The following AKT3 variants were observed in gnomAD, a reference collection of about 807,000 sequenced individuals.
AKT3 encodes AKT serine/threonine kinase 3.
In AKT3, 15 loss-of-function variants were observed where a neutral mutation model predicts 65.3. The ratio of observed to expected loss-of-function variants is 0.23; its 90% CI spans 0.15 to 0.35. The LOEUF (loss-of-function observed/expected upper bound fraction) is 0.35, where lower values mean the gene tolerates loss of function less well. AKT3 is among the 10% of genes least tolerant of loss of function. AKT3 has a pLI of 1.00. For synonymous variants in AKT3, 206 were observed against 183.8 expected (o/e 1.12, Z -0.98); for missense variants, 243 against 576.5 (o/e 0.42, Z 5.92).
intron 2 of AKT3, among the ~76,000 whole-genome samples, chr1:243,792,426 T>C (rs1334739519): frequency 1.3e-5 from 2 of 152,174 alleles, no homozygotes; most frequent in African/African-American, 4.8e-5. Context: ...CAAGATATTA[T>C]GGAATTATAC....
chr1:243,596,375 C>A (rs1428426860), intron 8 of AKT3, among the ~76,000 whole-genome samples: 4 of 152,098 alleles, frequency 2.6e-5, no homozygotes, highest in Non-Finnish European at 4.4e-5. Context: ...ACCAGAACAT[C>A]CAAAGAACTC....
intron 11 of AKT3, among the ~76,000 whole-genome samples, chr1:243,549,531 C>T (rs760097159): frequency 2.6e-5 from 4 of 152,080 alleles, no homozygotes; most frequent in African/African-American, 9.7e-5. Context: ...TGGGCTCCAG[C>T]GATTCTCCCA....
In AKT3 at chr1:243,583,986, C is replaced by T. The variant is rs147137567; in HGVS notation, c.697-10938G>A. Among the ~76,000 whole-genome samples, 80 of 151,750 alleles carry T rather than the reference C, an allele frequency of 5.3e-4. No homozygotes were observed. In the East Asian group the frequency reaches 0.014, roughly 26 times the overall value. ...TAACTAAAATCAGAGCAGAATGGAACGAAATTAAGACCTAAAAATCCACAT... is the reference window on the plus strand; with the variant it reads ...TAACTAAAATCAGAGCAGAATGGAATGAAATTAAGACCTAAAAATCCACAT... On this transcript the variant is annotated intron_variant, in intron 8 of 13. Transcript: ENST00000673466.
intron 1 of AKT3, among the ~76,000 whole-genome samples, chr1:243,848,635 A>T (rs1695615283): frequency 6.6e-6 from 1 of 152,226 alleles, no homozygotes; most frequent in African/African-American, 2.4e-5. Context: ...AGTTCTACTA[A>T]AAGACATATA....
At chr1:243,497,966 G>A (rs1668450877), downstream of AKT3, among the ~76,000 whole-genome samples, 1 of 152,204 alleles carries the variant, frequency 6.6e-6, no homozygotes, top group Non-Finnish European at 1.5e-5. Flanking sequence ...ACAGGTGTGA[G>A]CCACTGTTGG....
chr1:243,490,672 C>T (rs1047134352), intron 13 of AKT3, among the ~76,000 whole-genome samples: 3 of 152,224 alleles, frequency 2.0e-5, no homozygotes, highest in Non-Finnish European at 2.9e-5. Flanking sequence ...GCCCCACGGG[C>T]CCTTGGGCAC....
At chr1:243,638,096 C>G (rs1351965998) in intron 5 of AKT3, among the ~76,000 whole-genome samples, 1 of 152,066 alleles carries the variant, frequency 6.6e-6, no homozygotes, top group Non-Finnish European at 1.5e-5. Flanking sequence ...ATGTGATAAT[C>G]AAAAATGTTC....
In AKT3 at chr1:243,502,015, C is replaced by T. The variant is rs144570659; in HGVS notation, c.*3234G>A. On this transcript the variant is annotated 3_prime_UTR_variant, in exon 14 of 14. Coordinates refer to ENST00000673466, the MANE Select transcript of AKT3 (RefSeq NM_005465.7). ...TCCTTAACCAGATGACTAGATCTTG[C>T]GCAGATCTAATGAAAGAACTAGCAA... 3.4e-5 allele frequency: 8 copies of T among 232,302 alleles called. No homozygotes were observed. Among genetic ancestry groups the T allele is most frequent in the Non-Finnish European group, 6.0e-5 (7 of 117,628 alleles). 14.4% of individuals were successfully genotyped at this position (232,302 alleles called of 1,614,324 possible). A position where few individuals can be genotyped will look rare whatever the true frequency, so the allele number is the denominator to read the frequency against.
chr1:243,574,638 A>G (rs1332611051), intron 8 of AKT3, among the ~76,000 whole-genome samples: 1 of 152,164 alleles, frequency 6.6e-6, no homozygotes, highest in East Asian at 1.9e-4. Flanking sequence ...ACTCAGGGAT[A>G]TTTTAAAAAA....
chr1:243,779,119 A>C (rs1690746985), intron 2 of AKT3, among the ~76,000 whole-genome samples: 1 of 152,162 alleles, frequency 6.6e-6, no homozygotes, highest in African/African-American at 2.4e-5. Context: ...GAATAGAAAA[A>C]GGGAGAAAAA....
chr1:243,704,368 C>T (rs1440405677), intron 2 of AKT3, among the ~76,000 whole-genome samples: 1 of 152,024 alleles, frequency 6.6e-6, no homozygotes, highest in African/African-American at 2.4e-5. Flanking sequence ...AAGCATAGTC[C>T]CAGCCCTCGT....
intron 2 of AKT3, among the ~76,000 whole-genome samples, chr1:243,775,132 G>T (rs1450416454): frequency 6.6e-6 from 1 of 152,100 alleles, no homozygotes. Flanking sequence ...CAGAGTGTTG[G>T]CATTACAGGC....
intron 12 of AKT3, among the ~76,000 whole-genome samples, chr1:243,539,156 C>G (rs1225160171): frequency 2.6e-5 from 4 of 152,028 alleles, no homozygotes; most frequent in African/African-American, 7.2e-5. Flanking sequence ...CATGGGCCCA[C>G]GTACACCCGG....
chr1:243,761,866 T>C (rs530726337), intron 2 of AKT3, among the ~76,000 whole-genome samples: 1 of 152,286 alleles, frequency 6.6e-6, no homozygotes, highest in Admixed American at 6.5e-5. Flanking sequence ...ATTTTCTTAC[T>C]GAAGCAAAAA....
intron 10 of AKT3, among the ~76,000 whole-genome samples, chr1:243,557,027 C>T (rs941827483): frequency 6.6e-6 from 1 of 152,068 alleles, no homozygotes; most frequent in Non-Finnish European, 1.5e-5. Flanking sequence ...CGCTTTATGG[C>T]CACCTCTCCT....
chr1:243,692,781 G>T (rs1357937442), intron 3 of AKT3, among the ~76,000 whole-genome samples: 2 of 151,892 alleles, frequency 1.3e-5, no homozygotes, highest in African/African-American at 4.8e-5. Context: ...AATTCCAAAG[G>T]CTGCATTGTC....
chr1:243,778,916 G>A (rs547938649), intron 2 of AKT3, among the ~76,000 whole-genome samples: 5 of 143,418 alleles, frequency 3.5e-5, no homozygotes, highest in East Asian at 2.2e-4. Flanking sequence ...CTATTCTTCC[G>A]ATTCTTTTTT....
In AKT3 at chr1:243,499,861, C is replaced by A; in HGVS notation, c.*5388G>T. ...CATCTGGTTTAGACTTAATATGCCA[C>A]AACGCACCACGACCTTCCCAGGGTG... On this transcript the variant is annotated 3_prime_UTR_variant, in exon 14 of 14. Transcript: ENST00000673466. The A allele has an allele frequency of 7.1e-7, 1 of 1,403,870 alleles. No homozygotes were observed. The highest frequency in any genetic ancestry group is 1.0e-6 in the Non-Finnish European group (1 of 998,366). 87.0% of individuals were successfully genotyped at this position (1,403,870 alleles called of 1,614,324 possible). A position where few individuals can be genotyped will look rare whatever the true frequency, so the allele number is the denominator to read the frequency against.
chr1:243,577,799 G>C (rs1206024577), intron 8 of AKT3, among the ~76,000 whole-genome samples: 1 of 151,872 alleles, frequency 6.6e-6, no homozygotes, highest in African/African-American at 2.4e-5. Context: ...TCTGACAAAG[G>C]TCTAATATCC....
Sources: gnomAD v4.1 joint callset for allele counts (sites outside exome capture counted in the v4.1 genomes callset) on GRCh38, gnomAD v4.1.1 for gene constraint, MANE v1.5 for transcripts, NCBI Gene and HGNC (gene_info 2026-07-23, HGNC 2026-07-21) for gene names.